Variants in PDE11A observed in about 807,000 individuals in gnomAD.
PDE11A encodes phosphodiesterase 11A, also known as dual 3',5'-cyclic-AMP and -GMP phosphodiesterase 11A.
Under a neutral mutation model 100.5 loss-of-function variants are expected in PDE11A, and 100 were observed. That is an observed-to-expected ratio of 1.00 (90% CI 0.85 to 1.18). The LOEUF is 1.18. Among genes scored for constraint, PDE11A ranks in the 50% most tolerant of loss-of-function variants. PDE11A has a pLI of 0.00. For synonymous variants in PDE11A, 381 were observed against 420.8 expected (o/e 0.91, Z 1.16); for missense variants, 1,141 against 1,152.6 (o/e 0.99, Z 0.15).
intron 13 of PDE11A, among the ~76,000 whole-genome samples, chr2:177,709,326 G>C (rs1221084172): frequency 6.6e-6 from 1 of 152,162 alleles, no homozygotes; most frequent in Non-Finnish European, 1.5e-5. Flanking sequence ...GTTCGTTGTA[G>C]CAAACCAGGA....
chr2:177,900,573 T>G (rs1180331559), intron 3 of PDE11A, among the ~76,000 whole-genome samples: 2 of 152,136 alleles, frequency 1.3e-5, no homozygotes, highest in Non-Finnish European at 2.9e-5. Flanking sequence ...CTGGGCAACA[T>G]GGTGAAACCC....
In PDE11A at chr2:177,757,488, A is replaced by G. The variant is rs76917618; in HGVS notation, c.1788+11835T>C. 6.9e-4 allele frequency among the ~76,000 whole-genome samples: 105 copies of G among 152,352 alleles called. 1 individual carries two copies. The East Asian group carries it at 0.014, about 20-fold the overall frequency. ...CATAGCATTTGTCTTAGTGAACAGC[A>G]ATATTTGAAAATGTATAATGATTGG... On this transcript the variant is annotated intron_variant, in intron 10 of 19. Transcript: ENST00000286063.
intron 2 of PDE11A, among the ~76,000 whole-genome samples, chr2:177,939,910 T>A (rs1404826997): frequency 1.3e-5 from 2 of 152,236 alleles, no homozygotes; most frequent in African/African-American, 2.4e-5. Context: ...AAGTGGACCT[T>A]GTTCTGAACA....
intron 2 of PDE11A, among the ~76,000 whole-genome samples, chr2:177,921,516 G>T (rs151224416): frequency 9.3e-5 from 14 of 151,214 alleles, no homozygotes; most frequent in African/African-American, 3.4e-4. Flanking sequence ...GGCATATGCT[G>T]CATTTTTGAG....
chr2:177,927,467 C>G (rs1032710735), intron 2 of PDE11A, among the ~76,000 whole-genome samples: 15 of 152,182 alleles, frequency 9.9e-5, no homozygotes, highest in African/African-American at 3.4e-4. Context: ...GAACAAAACT[C>G]TCATTACACT....
At position 177,644,398 on chromosome 2, in the gene PDE11A, TG is replaced by T. The variant is rs747446355; in HGVS notation, c.2647-14837del. 1.1e-3 allele frequency among the ~76,000 whole-genome samples: 161 copies of T among 152,388 alleles called. 1 individual carries two copies. The highest frequency in any genetic ancestry group is 2.9e-4 in the Non-Finnish European group (20 of 68,042). The stretch of plus-strand genomic sequence containing the variant: ...TAATTTCGGAACTTGAAGATTTGAC[TG>T]CCCCACTGGATTTCAGACTTGCATG... On this transcript the variant is annotated intron_variant, in intron 19 of 19. Transcript: ENST00000286063.
intron 17 of PDE11A, among the ~76,000 whole-genome samples, chr2:177,674,105 C>T (rs976100960): frequency 5.3e-5 from 8 of 152,134 alleles, no homozygotes; most frequent in African/African-American, 1.4e-4. Flanking sequence ...TGAAGGAACC[C>T]ATAACACACT....
At chr2:177,694,331 G>T (rs1445297779) in intron 15 of PDE11A, among the ~76,000 whole-genome samples, 1 of 151,942 alleles carries the variant, frequency 6.6e-6, no homozygotes, top group Non-Finnish European at 1.5e-5. Context: ...TCTACTTTGA[G>T]GAAAATAACA....
chr2:177,725,808 A>G (rs1245573021), intron 12 of PDE11A, among the ~76,000 whole-genome samples: 1 of 152,152 alleles, frequency 6.6e-6, no homozygotes. Flanking sequence ...TGCTCTTGCC[A>G]GTTTCCCCTA....
At chr2:177,812,359 A>T (rs1029751592) in intron 9 of PDE11A, among the ~76,000 whole-genome samples, 35 of 152,088 alleles carry the variant, frequency 2.3e-4, no homozygotes, top group African/African-American at 7.2e-4. Flanking sequence ...CGACACTTTA[A>T]ATCTTCTCCC....
chr2:177,990,602 G>A (rs2085990326), intron 2 of PDE11A, among the ~76,000 whole-genome samples: 1 of 152,090 alleles, frequency 6.6e-6, no homozygotes, highest in African/African-American at 2.4e-5. Flanking sequence ...GCTGGGTATG[G>A]TAGGGTGGGC....
intron 5 of PDE11A, among the ~76,000 whole-genome samples, chr2:177,853,680 ATGTGTGTGTG>A (rs1212022176): frequency 9.6e-4 from 35 of 36,524 alleles, no homozygotes; most frequent in African/African-American, 3.0e-3. Context: ...ATATATATAT[ATGTGTGTGTG>A]TGTGTGTGTG....
intron 19 of PDE11A, among the ~76,000 whole-genome samples, chr2:177,635,171 A>G (rs72941585): frequency 6.6e-6 from 1 of 152,294 alleles, no homozygotes; most frequent in Non-Finnish European, 1.5e-5. Flanking sequence ...TTTATGTTGG[A>G]CTGAAATCTA....
chr2:177,680,632 C>A (rs997559855), intron 16 of PDE11A, among the ~76,000 whole-genome samples, 194 bp downstream of exon 16: 1 of 151,996 alleles, frequency 6.6e-6, no homozygotes, highest in Non-Finnish European at 1.5e-5. Context: ...ATTTTTGAGA[C>A]AAAAATAAAT....
At chr2:178,042,272 G>C (rs2086692585) in intron 1 of PDE11A, among the ~76,000 whole-genome samples, 1 of 152,122 alleles carries the variant, frequency 6.6e-6, no homozygotes, top group African/African-American at 2.4e-5. Flanking sequence ...TTGAGGCCAG[G>C]AGTTTGAAAC....
chr2:177,866,698 T>C (rs909848834), intron 5 of PDE11A, among the ~76,000 whole-genome samples: 2 of 152,202 alleles, frequency 1.3e-5, no homozygotes, highest in African/African-American at 2.4e-5. Context: ...TATTCGCTTG[T>C]ACTAAACAGA....
chr2:177,724,711 C>A (rs1038118291), intron 12 of PDE11A, among the ~76,000 whole-genome samples: 9 of 152,210 alleles, frequency 5.9e-5, no homozygotes, highest in Admixed American at 1.3e-4. Flanking sequence ...TTGTTGCTAT[C>A]TCTTTTAGGA....
chr2:177,783,987 G>T (rs1558936393), intron 9 of PDE11A, among the ~76,000 whole-genome samples: 1 of 152,032 alleles, frequency 6.6e-6, no homozygotes, highest in Non-Finnish European at 1.5e-5. Context: ...CTGCAGGAAG[G>T]ACTGAGTCCC....
chr2:177,683,619 G>A (rs1397946053), intron 15 of PDE11A: 3 of 152,238 alleles, frequency 2.0e-5, no homozygotes, highest in African/African-American at 7.2e-5. Flanking sequence ...TGTGAGATGG[G>A]GGCCTGTTAA....
Sources: allele counts gnomAD v4.1 joint callset (sites outside exome capture counted in the v4.1 genomes callset), GRCh38; gene constraint gnomAD v4.1.1; transcripts MANE v1.5; gene names NCBI Gene and HGNC (gene_info 2026-07-23, HGNC 2026-07-21).